DENND1A: variants seen among roughly 807,000 people sequenced by gnomAD.
DENND1A encodes DENN domain containing 1A, also known as DENN domain-containing protein 1A.
In DENND1A, 51 loss-of-function variants were observed where a neutral mutation model predicts 113.7. The observed-to-expected ratio is 0.45, with a 90% confidence interval of 0.36 to 0.57. DENND1A has a LOEUF of 0.57. DENND1A is among the 20% of genes least tolerant of loss of function. The probability of loss-of-function intolerance (pLI) is 0.00; values close to 1 mark genes in which losing one functional copy is unlikely to be tolerated. For synonymous variants in DENND1A, 565 were observed against 570.8 expected (o/e 0.99, Z 0.14); for missense variants, 1,258 against 1,395.9 (o/e 0.90, Z 1.57).
chr9:123,569,164 G>T (rs927428997), intron 12 of DENND1A, among the ~76,000 whole-genome samples: 1 of 152,194 alleles, frequency 6.6e-6, no homozygotes, highest in Non-Finnish European at 1.5e-5. Flanking sequence ...AAACCCAGCT[G>T]TGTTTATGTA....
Position 123,440,241 on chromosome 9 carries a change from T to C in DENND1A, c.1488+119A>G, listed in dbSNP as rs964580591. The C allele has an allele frequency of 1.4e-5, 17 of 1,218,706 alleles. No homozygotes were observed. In the East Asian group the frequency reaches 3.5e-4, roughly 25 times the overall value. The allele number at this position is 1,218,706 out of a possible 1,614,324, so 75.5% of individuals were successfully genotyped here. ...ACATTTAAAGATGTGAAAACCTCCA[T>C]GGAGCTGCACTGCCAAAGAGAACTG... On this transcript the variant is annotated intron_variant, in intron 19 of 23. Coordinates refer to ENST00000394215, the MANE Select transcript of DENND1A (RefSeq NM_001352964.2).
chr9:123,625,130 T>C (rs1005247292), intron 10 of DENND1A, among the ~76,000 whole-genome samples: 10 of 152,224 alleles, frequency 6.6e-5, no homozygotes, highest in Non-Finnish European at 1.5e-4. Flanking sequence ...GTATTATGTG[T>C]CCATATAATT....
intron 13 of DENND1A, among the ~76,000 whole-genome samples, chr9:123,494,330 TC>T (rs1407849972): frequency 8.5e-5 from 13 of 152,290 alleles, no homozygotes; most frequent in Admixed American, 7.8e-4. Flanking sequence ...TCCCCGGAAG[TC>T]TGGAGGTCCT....
intron 10 of DENND1A, among the ~76,000 whole-genome samples, chr9:123,620,213 C>CAAAAAAAAAAAAAAA (rs34196587): frequency 3.4e-5 from 2 of 59,036 alleles, no homozygotes; most frequent in African/African-American, 1.1e-4. Flanking sequence ...GACTCCATCT[C>CAAAAAAAAAAAAAAA]AAAAAAAAAA....
chr9:123,829,551 G>T (rs1839880442), intron 2 of DENND1A, among the ~76,000 whole-genome samples: 1 of 151,950 alleles, frequency 6.6e-6, no homozygotes, highest in African/African-American at 2.4e-5. Context: ...AGCTAAAAGG[G>T]ATTCAAAGTA....
intron 22 of DENND1A, among the ~76,000 whole-genome samples, chr9:123,384,745 C>T (rs1024613313): frequency 8.0e-4 from 122 of 152,224 alleles, no homozygotes; most frequent in Admixed American, 1.4e-3. Flanking sequence ...TTCAGGAGTT[C>T]GAGACCAGCC....
chr9:123,918,134 T>G (rs948509608), intron 1 of DENND1A, among the ~76,000 whole-genome samples: 12 of 146,028 alleles, frequency 8.2e-5, no homozygotes, highest in African/African-American at 1.3e-4. Flanking sequence ...AATAAATAAA[T>G]AAATAAAAGA....
intron 13 of DENND1A, among the ~76,000 whole-genome samples, chr9:123,534,897 CT>C (rs976511439): frequency 7.9e-5 from 12 of 152,262 alleles, no homozygotes; most frequent in Admixed American, 1.3e-4. Flanking sequence ...CTGTCTGTGG[CT>C]TTTTTCCCCC....
At chr9:123,851,551 C>T (rs1399762189) in intron 2 of DENND1A, among the ~76,000 whole-genome samples, 1 of 152,124 alleles carries the variant, frequency 6.6e-6, no homozygotes, top group African/African-American at 2.4e-5. Context: ...CTCCAAAAGA[C>T]CTAAGGTGGC....
chr9:123,414,092 G>A (rs1478850197), intron 19 of DENND1A: 8 of 993,424 alleles, frequency 8.1e-6, no homozygotes, highest in East Asian at 1.1e-4. Flanking sequence ...CAGAGCGCTC[G>A]GGAGGCAGCC....
intron 13 of DENND1A, among the ~76,000 whole-genome samples, chr9:123,500,530 C>T (rs1384079556): frequency 6.6e-6 from 1 of 152,242 alleles, no homozygotes; most frequent in Non-Finnish European, 1.5e-5. Context: ...TTAAAACCCA[C>T]TGTTGACATA....
chr9:123,509,492 C>T (rs921679016), intron 13 of DENND1A, among the ~76,000 whole-genome samples: 3 of 152,232 alleles, frequency 2.0e-5, no homozygotes, highest in African/African-American at 7.2e-5. Context: ...GAGAGGTGCT[C>T]TTGCACCATC....
At chr9:123,728,497 A>C (rs1341082678) in intron 5 of DENND1A, among the ~76,000 whole-genome samples, 3 of 146,826 alleles carry the variant, frequency 2.0e-5, no homozygotes, top group East Asian at 1.9e-4. Context: ...AAAAAAAAAA[A>C]AAAAAAAAAA....
intron 1 of DENND1A, among the ~76,000 whole-genome samples, chr9:123,912,825 C>G (rs1402552680): frequency 6.6e-6 from 1 of 152,054 alleles, no homozygotes; most frequent in African/African-American, 2.4e-5. Flanking sequence ...TTATCACCTC[C>G]CAGTGATGAA....
At chr9:123,891,482 T>C (rs1849890215) in intron 1 of DENND1A, among the ~76,000 whole-genome samples, 1 of 152,230 alleles carries the variant, frequency 6.6e-6, no homozygotes, top group Non-Finnish European at 1.5e-5. Flanking sequence ...TGATAATCTA[T>C]TGATCTATGA....
At chr9:123,545,276 A>T (rs985589318) in intron 13 of DENND1A, among the ~76,000 whole-genome samples, 1 of 152,124 alleles carries the variant, frequency 6.6e-6, no homozygotes, top group Middle Eastern at 3.2e-3. Flanking sequence ...ATGTAGTCAT[A>T]TATTTCAGAG....
chr9:123,849,436 G>A (rs1276387932), intron 2 of DENND1A, among the ~76,000 whole-genome samples: 1 of 152,106 alleles, frequency 6.6e-6, no homozygotes, highest in Admixed American at 6.5e-5. Flanking sequence ...TTTTGCCATT[G>A]AGTAATGACA....
chr9:123,823,284 G>A (rs1160433122), intron 2 of DENND1A, among the ~76,000 whole-genome samples: 2 of 152,202 alleles, frequency 1.3e-5, no homozygotes, highest in Non-Finnish European at 2.9e-5. Context: ...ATTATCCCAC[G>A]AGTAGCCTTG....
chr9:123,808,952 C>A (rs1048595973), intron 2 of DENND1A, among the ~76,000 whole-genome samples: 8 of 152,164 alleles, frequency 5.3e-5, no homozygotes, highest in Non-Finnish European at 7.3e-5. Context: ...TCCAGTATCA[C>A]AGAAGCTGGA....
Sources: gnomAD v4.1 joint callset for allele counts (sites outside exome capture counted in the v4.1 genomes callset) on GRCh38, gnomAD v4.1.1 for gene constraint, MANE v1.5 for transcripts, NCBI Gene and HGNC (gene_info 2026-07-23, HGNC 2026-07-21) for gene names.